Variants in USHBP1 observed in about 807,000 individuals in gnomAD.
The protein encoded by USHBP1 is USH1 protein network component harmonin binding protein 1.
Under a neutral mutation model 76.2 loss-of-function variants are expected in USHBP1, and 67 were observed. The ratio of observed to expected loss-of-function variants is 0.88; its 90% CI spans 0.72 to 1.08. The LOEUF (loss-of-function observed/expected upper bound fraction) is 1.08. Among genes scored for constraint, USHBP1 ranks in the 50% least tolerant of loss-of-function variants. The pLI is 0.00. For synonymous variants in USHBP1, 322 were observed against 362.2 expected (o/e 0.89, Z 1.26); for missense variants, 931 against 915.0 (o/e 1.02, Z -0.23).
chr19:17,259,598 C>G lies in USHBP1; in HGVS notation c.903G>C (p.Arg301=). 6.2e-7 allele frequency: 1 copy of G among 1,609,448 alleles called. No individual in the cohort carries two copies. The highest frequency in any genetic ancestry group is 2.2e-5 in the East Asian group (1 of 44,850). The stretch of plus-strand genomic sequence containing the variant: ...AGCTCAGCATTTGAGTCTCTTACCC[C>G]CGGAGTTGCTCCATCTGGGCTTCCA... ...HIMEAQMEQL[R]GSIEKLKCFN... is the part of the protein sequence containing the mutation. Residue 301 remains arginine, a splice_region_variant and synonymous_variant, in exon 6 of 13, where the codon CGG becomes CGC. Transcript: ENST00000252597.
intron 7 of USHBP1, 42 bp downstream of exon 7, chr19:17,259,247 C>G (rs1230187922): frequency 2.6e-6 from 4 of 1,560,698 alleles, no homozygotes; most frequent in South Asian, 1.2e-5. Context: ...AGAAAGCCCA[C>G]TCCCTCCCCA....
chr19:17,250,564 G>C, intron 12 of USHBP1, 150 bp from the exon 13 acceptor site: 1 of 921,384 alleles, frequency 1.1e-6, no homozygotes. Flanking sequence ...TGTTGTTGTT[G>C]TTTGAGACAG....
At chr19:17,257,017 C>T (rs1055806507) in intron 8 of USHBP1, among the ~76,000 whole-genome samples, 6 of 147,762 alleles carry the variant, frequency 4.1e-5, no homozygotes, top group Non-Finnish European at 8.9e-5. Flanking sequence ...AGTGAGAATC[C>T]GTCTTTTTTT....
rs746568447 is a variant in USHBP1 at position 17,256,673 on chromosome 19, A to C, written c.1268T>G (p.Phe423Cys). The C allele has an allele frequency of 6.2e-7, 1 of 1,614,190 alleles. No individual in the cohort carries two copies. Among genetic ancestry groups the C allele is most frequent in the Non-Finnish European group, 8.5e-7 (1 of 1,180,030 alleles). The change falls in exon 9 of 13, where the codon TTC becomes TGC. Residue 423 changes from phenylalanine to cysteine, a missense_variant. Coordinates refer to ENST00000252597, the MANE Select transcript of USHBP1 (RefSeq NM_031941.4). ...VDKPTPQEVAFQLRSYVQRLQ... is the reference protein window; with the variant it reads ...VDKPTPQEVACQLRSYVQRLQ... Reference sequence around the variant, plus strand: ...ACGCTGGACATAGCTTCGGAGCTGGAAAGCCACTTCCTGTGGGGTGGGCTT... The same window carrying C: ...ACGCTGGACATAGCTTCGGAGCTGGCAAGCCACTTCCTGTGGGGTGGGCTT...
chr19:17,255,312 A>G (rs76554532), intron 10 of USHBP1, 73 bp downstream of exon 10: 2 of 1,339,590 alleles, frequency 1.5e-6, no homozygotes, highest in Non-Finnish European at 2.0e-6. Flanking sequence ...AAAAAAAAAA[A>G]GGCTGTGATT....
rs768906771 is a variant in USHBP1 at position 17,258,256 on chromosome 19, C to G, written c.1176G>C (p.Glu392Asp). 6.2e-7 allele frequency: 1 copy of G among 1,614,018 alleles called. No homozygotes were observed. Among genetic ancestry groups the G allele is most frequent in the Non-Finnish European group, 8.5e-7 (1 of 1,180,048 alleles). Residue 392 changes from glutamate to aspartate, a missense_variant, in exon 8 of 13, where the codon GAG becomes GAC. Coordinates refer to ENST00000252597, the MANE Select transcript of USHBP1 (RefSeq NM_031941.4). Reference protein sequence around the residue: ...EKEAWRLLAQEEAAMDAGAQQ... With the variant: ...EKEAWRLLAQDEAAMDAGAQQ... ...GTGCTCCTGCATCCATGGCAGCCTC[C>G]TCTTGTGCCAGCAGCCTCCATGCTT...
intron 4 of USHBP1, among the ~76,000 whole-genome samples, chr19:17,260,233 A>G (rs992448596): frequency 6.6e-6 from 1 of 152,104 alleles, no homozygotes; most frequent in African/African-American, 2.4e-5. Context: ...AATGGGCCCC[A>G]CTCTGGGGAA....
rs543108160 is a variant in USHBP1 at position 17,255,658 on chromosome 19, G to A, written c.1471-52C>T. On this transcript the variant is annotated intron_variant, in intron 9 of 12. Transcript: ENST00000252597. ...ATTTATGCTTCTACGGTCAACTGCA[G>A]GGAAACTGAGGCCCCAAGAGGCACC... 1.2e-4 allele frequency: 183 copies of A among 1,514,846 alleles called. No individual in the cohort carries two copies. In the African/African-American group the frequency reaches 2.3e-3, roughly 19 times the overall value. The allele number at this position is 1,514,846 out of a possible 1,614,324, so 93.8% of individuals were successfully genotyped here.
chr19:17,255,357 C>A, intron 10 of USHBP1, 28 bp downstream of exon 10: 3 of 1,604,106 alleles, frequency 1.9e-6, no homozygotes, highest in South Asian at 2.2e-5. Context: ...AAGCTACTCC[C>A]CTACCAGGTT....
chr19:17,254,844 G>C (rs2073598349), intron 10 of USHBP1, among the ~76,000 whole-genome samples: 2 of 151,974 alleles, frequency 1.3e-5, no homozygotes, highest in East Asian at 3.9e-4. Context: ...CACTCCAGGA[G>C]GGCTTCCTTG....
At chr19:17,250,761 C>T (rs2073540901) in intron 12 of USHBP1, among the ~76,000 whole-genome samples, 1 of 151,604 alleles carries the variant, frequency 6.6e-6, no homozygotes, top group South Asian at 2.1e-4. Context: ...ACCATGTTGC[C>T]CAGACTGGTC....
intron 10 of USHBP1, 94 bp downstream of exon 10, chr19:17,255,291 T>C (rs1450147004): frequency 1.5e-6 from 2 of 1,340,286 alleles, no homozygotes; most frequent in Non-Finnish European, 2.0e-6. Context: ...AAACTCCGTC[T>C]CAAAAAAAAC....
intron 10 of USHBP1, among the ~76,000 whole-genome samples, chr19:17,254,494 A>G (rs1657914798): frequency 6.6e-6 from 1 of 151,646 alleles, no homozygotes; most frequent in African/African-American, 2.4e-5. Context: ...CATCTACACT[A>G]AAAATACAAA....
At chr19:17,259,816 G>A in intron 5 of USHBP1, 81 bp downstream of exon 5, 1 of 1,582,688 alleles carries the variant, frequency 6.3e-7, no homozygotes, top group South Asian at 1.1e-5. Context: ...AAAGCTGTTG[G>A]ATCCCATGAC....
chr19:17,251,176 T>TG (rs954190104), intron 12 of USHBP1, among the ~76,000 whole-genome samples: 37 of 150,690 alleles, frequency 2.5e-4, no homozygotes, highest in African/African-American at 8.5e-4. Context: ...GTTGTTTTTT[T>TG]TTTTTTTTTT....
intron 8 of USHBP1, 142 bp from the exon 9 acceptor site, chr19:17,256,862 C>T (rs972657105): frequency 1.6e-6 from 2 of 1,240,136 alleles, no homozygotes; most frequent in African/African-American, 3.0e-5. Flanking sequence ...CCCTGTCACA[C>T]CAACATACCC....
rs1408260983 is a variant in USHBP1, at chr19:17,262,717, G to A, written c.477C>T (p.Ser159=). ...TCCCTGCCCCTTCCTGCTTCCCAAG[G>A]GAACCTGCTCCCCCTTCGCTTGTGC... The part of the protein sequence containing the change: ...FEGTSEGGAG[S]LGKQEGAGSC... The change falls in exon 4 of 13, where the codon TCC becomes TCT. Residue 159 remains serine, a synonymous_variant. Coordinates refer to ENST00000252597, the MANE Select transcript of USHBP1 (RefSeq NM_031941.4). The A allele has an allele frequency of 1.9e-6, 3 of 1,614,090 alleles. No homozygotes were observed. The highest frequency in any genetic ancestry group is 2.5e-6 in the Non-Finnish European group (3 of 1,180,032).
intron 3 of USHBP1, 178 bp downstream of exon 3, chr19:17,263,824 C>T: frequency 1.3e-6 from 1 of 796,074 alleles, no homozygotes; most frequent in Non-Finnish European, 1.8e-6. Flanking sequence ...CGAGATTGTG[C>T]CACTGCACTG....
chr19:17,262,603 C>G lies in USHBP1; in HGVS notation c.591G>C (p.Thr197=). The G allele has an allele frequency of 1.2e-6, 2 of 1,613,292 alleles. No individual in the cohort carries two copies. The highest frequency in any genetic ancestry group is 1.7e-6 in the Non-Finnish European group (2 of 1,179,658). Residue 197 remains threonine (T), a synonymous_variant, in exon 4 of 13, where the codon ACG becomes ACC. Coordinates refer to ENST00000252597, the MANE Select transcript of USHBP1 (RefSeq NM_031941.4). The part of the protein sequence containing the change: ...LSSREDELVR[T]QASLEAIRAE... ...CTCGGATGGCCTCCAGGGAGGCCTG[C>G]GTGCGGACCAGCTCATCCTCTCGGC...
Sources: gnomAD v4.1 joint callset for allele counts (sites outside exome capture counted in the v4.1 genomes callset) on GRCh38, gnomAD v4.1.1 for gene constraint, MANE v1.5 for transcripts, NCBI Gene and HGNC (gene_info 2026-07-23, HGNC 2026-07-21) for gene names.